RAP1GAP2: variants seen among roughly 807,000 people sequenced by gnomAD.
RAP1GAP2 encodes the protein RAP1 GTPase activating protein 2.
Under a neutral mutation model 95.0 loss-of-function variants are expected in RAP1GAP2, and 27 were observed. That is an observed-to-expected ratio of 0.28 (90% confidence interval 0.21 to 0.39). The LOEUF (loss-of-function observed/expected upper bound fraction) is 0.39, where lower values mean the gene tolerates loss of function less well. Ranked by LOEUF, RAP1GAP2 falls within the 10% of genes least tolerant of loss-of-function variation. The pLI is 1.00. For synonymous variants in RAP1GAP2, 373 were observed against 380.9 expected (o/e 0.98, Z 0.24); for missense variants, 771 against 970.0 (o/e 0.79, Z 2.72).
intron 3 of RAP1GAP2, among the ~76,000 whole-genome samples, chr17:2,933,610 C>G (rs575761151): frequency 6.6e-6 from 1 of 152,246 alleles, no homozygotes; most frequent in Non-Finnish European, 1.5e-5. Context: ...CTGGGTAGAC[C>G]GAGGCCAAAC....
intron 2 of RAP1GAP2, among the ~76,000 whole-genome samples, chr17:2,808,466 C>T (rs1471596531): frequency 1.3e-5 from 2 of 152,174 alleles, no homozygotes; most frequent in Non-Finnish European, 2.9e-5. Flanking sequence ...GTCTGAGACC[C>T]ACCATATACC....
intron 3 of RAP1GAP2, among the ~76,000 whole-genome samples, chr17:2,911,260 A>ATTTTTTTCTTTTT (rs2042371636): frequency 7.6e-6 from 1 of 132,032 alleles, no homozygotes; most frequent in African/African-American, 3.0e-5. Flanking sequence ...TTTGAAGGGG[A>ATTTTTTTCTTTTT]TTTTTTTTTT....
chr17:2,975,929 C>A (rs114185540), intron 8 of RAP1GAP2, among the ~76,000 whole-genome samples: 1,801 of 152,112 alleles, frequency 0.012, 34 homozygotes, highest in African/African-American at 0.04. Context: ...GGGAAAGAGT[C>A]CTTTTTCTAG....
chr17:2,900,294 G>A (rs1174918280), intron 2 of RAP1GAP2, among the ~76,000 whole-genome samples: 3 of 152,100 alleles, frequency 2.0e-5, no homozygotes, highest in Non-Finnish European at 4.4e-5. Flanking sequence ...TGTTTTCCAA[G>A]GCATTTAAAC....
At chr17:2,780,556 C>G (rs944013425) in intron 1 of RAP1GAP2, among the ~76,000 whole-genome samples, 4 of 151,720 alleles carry the variant, frequency 2.6e-5, no homozygotes, top group African/African-American at 4.8e-5. Context: ...GCAATGTGCA[C>G]CCCCCCCAGG....
At chr17:3,013,843 CTT>C (rs1317361961) in intron 17 of RAP1GAP2, among the ~76,000 whole-genome samples, 3 of 151,928 alleles carry the variant, frequency 2.0e-5, no homozygotes, top group African/African-American at 7.3e-5. Context: ...CCCTTCAGAA[CTT>C]TTTCTGTCCA....
intron 3 of RAP1GAP2, among the ~76,000 whole-genome samples, chr17:2,957,249 G>C (rs966389011): frequency 1.3e-5 from 2 of 152,240 alleles, no homozygotes; most frequent in Admixed American, 1.3e-4. Context: ...GCAGGGGACC[G>C]GGCAGGCAGA....
At chr17:2,757,019 G>C (rs1163399388) in intron 1 of RAP1GAP2, among the ~76,000 whole-genome samples, 1 of 152,216 alleles carries the variant, frequency 6.6e-6, no homozygotes, top group African/African-American at 2.4e-5. Context: ...GTCAGAGCAG[G>C]AGGTGCCAAT....
chr17:2,755,676 C>T (rs1461766556), upstream of RAP1GAP2: 1 of 289,114 alleles, frequency 3.5e-6, no homozygotes, highest in Non-Finnish European at 6.4e-6. Flanking sequence ...GAGCCTCCTC[C>T]ACCGTGCGGC....
chr17:2,833,563 G>A (rs1440017153), intron 2 of RAP1GAP2, among the ~76,000 whole-genome samples: 3 of 151,588 alleles, frequency 2.0e-5, no homozygotes, highest in African/African-American at 4.8e-5. Flanking sequence ...GTTGGCGGGC[G>A]CCTGTAGTCC....
intron 3 of RAP1GAP2, among the ~76,000 whole-genome samples, chr17:2,943,414 T>G (rs1195006003): frequency 2.0e-5 from 3 of 152,198 alleles, no homozygotes; most frequent in Admixed American, 2.0e-4. Flanking sequence ...TGCTCACGCC[T>G]GTAATCCCAG....
intron 21 of RAP1GAP2, 69 bp downstream of exon 21, chr17:3,026,533 A>T (rs536413161): frequency 4.0e-6 from 5 of 1,237,324 alleles, no homozygotes; most frequent in Non-Finnish European, 5.6e-6. Flanking sequence ...CTTGCATTAA[A>T]ACGGCACTGT....
At chr17:2,918,216 A>G (rs550693429) in intron 3 of RAP1GAP2, among the ~76,000 whole-genome samples, 1 of 152,074 alleles carries the variant, frequency 6.6e-6, no homozygotes, top group East Asian at 2.0e-4. Context: ...CGGGCAGATC[A>G]TGAGGTCAGG....
chr17:2,827,857 C>G lies in RAP1GAP2; in HGVS notation c.80+27307C>G, dbSNP rs112812742. Among the ~76,000 whole-genome samples, 1 of 151,742 alleles carries G rather than the reference C, an allele frequency of 6.6e-6. No individual in the cohort carries two copies. The highest frequency in any genetic ancestry group is 2.4e-5 in the African/African-American group (1 of 41,268). ...AAAAACAAGGGGGAGGGTTCATACA[C>G]GATCGGTTGCAGCAGGCACGCCAGT... On this transcript the variant is annotated intron_variant, in intron 2 of 24. Transcript: ENST00000254695. The surrounding 1 kb of genome is among the most constrained non-coding windows in gnomAD (Gnocchi z 4.1).
chr17:3,032,570 C>A, intron 24 of RAP1GAP2, 121 bp downstream of exon 24: 1 of 960,320 alleles, frequency 1.0e-6, no homozygotes, highest in Non-Finnish European at 1.6e-6. Flanking sequence ...TGGGGATGTC[C>A]AAAGAGTCTC....
intron 2 of RAP1GAP2, among the ~76,000 whole-genome samples, chr17:2,894,665 TATCACGGC>T (rs1184845151): frequency 1.3e-5 from 2 of 152,194 alleles, no homozygotes; most frequent in Admixed American, 1.3e-4. Flanking sequence ...CCTCCGTCTG[TATCACGGC>T]TGAAGCGTCC....
At position 3,005,727 on chromosome 17, in the gene RAP1GAP2, G is replaced by A. The variant is rs1429684707; in HGVS notation, c.1273-228G>A. ...GTCAAGGAGCCTTGGGCAGGAATGA[G>A]CTCCAGTCGTGGAAGTGCCACTGTG... On this transcript the variant is annotated intron_variant, in intron 15 of 24. Coordinates refer to ENST00000254695, the MANE Select transcript of RAP1GAP2 (RefSeq NM_015085.5). This position sits in a 1 kb window ranked among gnomAD's most constrained non-coding sequence, Gnocchi z 5.2. 6.6e-6 allele frequency among the ~76,000 whole-genome samples: 1 copy of A among 152,190 alleles called. No individual in the cohort carries two copies. The highest frequency in any genetic ancestry group is 2.4e-5 in the African/African-American group (1 of 41,436).
chr17:2,828,664 G>A (rs938128285), intron 2 of RAP1GAP2, among the ~76,000 whole-genome samples: 1 of 152,172 alleles, frequency 6.6e-6, no homozygotes, highest in Non-Finnish European at 1.5e-5. Flanking sequence ...AGGTGGGGCC[G>A]CGGGTTCTTT....
At chr17:2,779,083 C>T (rs983411202) in intron 1 of RAP1GAP2, among the ~76,000 whole-genome samples, 3 of 152,156 alleles carry the variant, frequency 2.0e-5, no homozygotes, top group East Asian at 1.9e-4. Flanking sequence ...TGACATGAAG[C>T]ACTGTCCCAT....
Sources: allele counts gnomAD v4.1 joint callset (sites outside exome capture counted in the v4.1 genomes callset), GRCh38; gene constraint gnomAD v4.1.1; non-coding constraint Gnocchi (gnomAD v3.1); transcripts MANE v1.5; gene names NCBI Gene and HGNC (gene_info 2026-07-23, HGNC 2026-07-21).